ASB4: variants seen among roughly 807,000 people sequenced by gnomAD.
The protein encoded by ASB4 is ankyrin repeat and SOCS box containing 4, also known as ankyrin repeat and SOCS box protein 4.
In ASB4, 35 loss-of-function variants were observed where a neutral mutation model predicts 38.6. That is an observed-to-expected ratio of 0.91 (90% confidence interval 0.69 to 1.20). The LOEUF (loss-of-function observed/expected upper bound fraction) is 1.20. Ranked by LOEUF, ASB4 falls within the 50% of genes most tolerant of loss-of-function variation. ASB4 has a pLI of 0.00. For missense variants in ASB4, 557 were observed against 527.2 expected (o/e 1.06, Z -0.55); for synonymous variants, 195 against 201.3 (o/e 0.97, Z 0.26).
At chr7:95,545,052 T>C (rs892823438), downstream of ASB4, among the ~76,000 whole-genome samples, 25 of 151,920 alleles carry the variant, frequency 1.6e-4, 1 homozygote, top group East Asian at 3.5e-3. Flanking sequence ...TTTTTTTTTC[T>C]TTTTATTGCA....
chr7:95,537,534 C>A, intron 4 of ASB4, 37 bp from the exon 5 acceptor site: 2 of 1,532,306 alleles, frequency 1.3e-6, no homozygotes, highest in Non-Finnish European at 1.8e-6. Flanking sequence ...AACTGTGGGG[C>A]CTTGCTAACT....
In ASB4 at chr7:95,532,160, C is replaced by T. The variant is rs78004566; in HGVS notation, c.978+3857C>T. Among the ~76,000 whole-genome samples, 1,068 of 152,274 alleles carry T rather than the reference C, an allele frequency of 7.0e-3. 12 individuals are homozygous for T. The highest frequency in any genetic ancestry group is 0.022 in the African/African-American group (900 of 41,548). On this transcript the variant is annotated intron_variant, in intron 3 of 4. Transcript: ENST00000325885. ...CTTTCCAAAGAGAAAGTCATCTTTA[C>T]GACAAGTAAGTGACTGACTCATTTA...
At chr7:95,472,976 G>A in the ASB4 span, among the ~76,000 whole-genome samples, 1 of 152,110 alleles carries the variant, frequency 6.6e-6, no homozygotes, top group Non-Finnish European at 1.5e-5. Flanking sequence ...CTCTCTCCAC[G>A]CTCCAGCAGT....
At chr7:95,490,587 G>A (rs1029024757) in intron 1 of ASB4, among the ~76,000 whole-genome samples, 1 of 152,188 alleles carries the variant, frequency 6.6e-6, no homozygotes, top group African/African-American at 2.4e-5. Flanking sequence ...CTCATGTGTG[G>A]GGTTCTTTTG....
rs757962480 is a variant in ASB4, at chr7:95,495,926, A to T, written c.356A>T (p.Asn119Ile). Residue 119 changes from asparagine (N) to isoleucine (I), a missense_variant, in exon 2 of 5, where the codon AAT becomes ATT. Transcript: ENST00000325885. ...TPLHVACEMANVDCVKILCDR... is the reference protein window; with the variant it reads ...TPLHVACEMAIVDCVKILCDR... The stretch of plus-strand genomic sequence containing the variant: ...CTTCACGTGGCTTGTGAAATGGCCA[A>T]TGTGGATTGTGTTAAGATCCTCTGT... 1.2e-6 allele frequency: 2 copies of T among 1,614,140 alleles called. No individual in the cohort carries two copies. The highest frequency in any genetic ancestry group is 2.2e-5 in the East Asian group (1 of 44,874).
chr7:95,509,066 G>C (rs1405855179), intron 2 of ASB4, among the ~76,000 whole-genome samples: 3 of 152,120 alleles, frequency 2.0e-5, no homozygotes, highest in Non-Finnish European at 4.4e-5. Context: ...CAGGAGATTG[G>C]GTGGGTCATT....
chr7:95,534,203 G>A (rs1790857462), intron 3 of ASB4, among the ~76,000 whole-genome samples: 1 of 152,076 alleles, frequency 6.6e-6, no homozygotes, highest in Non-Finnish European at 1.5e-5. Flanking sequence ...AAATTAGTCA[G>A]GAGTTGTGGC....
At chr7:95,519,393 C>T (rs959831883) in intron 2 of ASB4, among the ~76,000 whole-genome samples, 7 of 152,226 alleles carry the variant, frequency 4.6e-5, no homozygotes, top group Non-Finnish European at 8.8e-5. Flanking sequence ...GAGAAGTAAG[C>T]GAGACAATAT....
intron 3 of ASB4, among the ~76,000 whole-genome samples, chr7:95,530,119 A>G (rs1562821878): frequency 2.0e-5 from 3 of 151,556 alleles, no homozygotes; most frequent in South Asian, 2.1e-4. Flanking sequence ...AAAAAAAAAA[A>G]AGAGAATGCC....
chr7:95,507,888 A>G (rs567724577), intron 2 of ASB4, among the ~76,000 whole-genome samples: 1 of 152,274 alleles, frequency 6.6e-6, no homozygotes, highest in Non-Finnish European at 1.5e-5. Flanking sequence ...GGATTTAGTG[A>G]CATGGATGGA....
chr7:95,486,175 G>A lies in ASB4; in HGVS notation c.187+17G>A. 1 of 1,596,586 alleles carries A rather than the reference G, an allele frequency of 6.3e-7. No individual in the cohort carries two copies. Among genetic ancestry groups the A allele is most frequent in the Non-Finnish European group, 8.6e-7 (1 of 1,167,354 alleles). On this transcript the variant is annotated intron_variant, in intron 1 of 4. Coordinates refer to ENST00000325885, the MANE Select transcript of ASB4 (RefSeq NM_016116.3). ...ATAAACAAGGTAAAAACATATAGGTGTTATTGTAGAACTGTTAGAAAATGA... is the reference window on the plus strand; with the variant it reads ...ATAAACAAGGTAAAAACATATAGGTATTATTGTAGAACTGTTAGAAAATGA...
At chr7:95,548,743 G>C in the ASB4 span, among the ~76,000 whole-genome samples, 1 of 152,116 alleles carries the variant, frequency 6.6e-6, no homozygotes, top group South Asian at 2.1e-4. Flanking sequence ...CCAGTAGCTT[G>C]ACTAAGTATT....
chr7:95,505,380 G>A (rs1790392940), intron 2 of ASB4, among the ~76,000 whole-genome samples: 1 of 152,030 alleles, frequency 6.6e-6, no homozygotes, highest in African/African-American at 2.4e-5. Flanking sequence ...AATTTAAGGG[G>A]CCTAGAAAAT....
chr7:95,527,981 C>T lies in ASB4; in HGVS notation c.656C>T (p.Ala219Val). ...ETPLAIAAYW[A>V]LRFKEQEYST... The stretch of plus-strand genomic sequence containing the variant: ...CCCCTGGCCATCGCCGCCTACTGGG[C>T]CCTCCGCTTTAAGGAGCAGGAGTAC... Residue 219 changes from alanine (A) to valine (V), a missense_variant, in exon 3 of 5, where the codon GCC becomes GTC. By Grantham distance (64) the Ala-to-Val change is moderately conservative. Coordinates refer to ENST00000325885, the MANE Select transcript of ASB4 (RefSeq NM_016116.3). The T allele has an allele frequency of 6.2e-7, 1 of 1,614,120 alleles. No homozygotes were observed. The highest frequency in any genetic ancestry group is 8.5e-7 in the Non-Finnish European group (1 of 1,180,034).
At chr7:95,472,478 C>T in the ASB4 span, among the ~76,000 whole-genome samples, 2 of 152,100 alleles carry the variant, frequency 1.3e-5, no homozygotes, top group African/African-American at 4.8e-5. Context: ...TCCAATCTGC[C>T]GGGGGAAACA....
chr7:95,537,893 C>T lies in ASB4; in HGVS notation c.*134C>T. The T allele has an allele frequency of 1.5e-6, 1 of 654,286 alleles. No individual in the cohort carries two copies. The highest frequency in any genetic ancestry group is 2.2e-5 in the South Asian group (1 of 44,896). 40.5% of individuals were successfully genotyped at this position (654,286 alleles called of 1,614,324 possible). ...TTTCAAAACACTTTACAAACACTGC[C>T]ATTAATCCTAGAATATCATGGTATG... On this transcript the variant is annotated 3_prime_UTR_variant, in exon 5 of 5. Coordinates refer to ENST00000325885, the MANE Select transcript of ASB4 (RefSeq NM_016116.3).
intron 2 of ASB4, among the ~76,000 whole-genome samples, chr7:95,509,159 A>G (rs1790448570): frequency 6.6e-6 from 1 of 152,192 alleles, no homozygotes; most frequent in Admixed American, 6.5e-5. Flanking sequence ...AAATCTTAAG[A>G]AACAGATGGG....
At chr7:95,472,843 G>A in the ASB4 span, among the ~76,000 whole-genome samples, 3 of 152,082 alleles carry the variant, frequency 2.0e-5, no homozygotes, top group African/African-American at 7.2e-5. Context: ...CCAGAAACGT[G>A]CACTTCCCAT....
chr7:95,473,435 A>G, the ASB4 span, among the ~76,000 whole-genome samples: 2 of 152,202 alleles, frequency 1.3e-5, no homozygotes, highest in Non-Finnish European at 2.9e-5. Flanking sequence ...TGTGAGAGCC[A>G]CAGGTTTATC....
Sources: gnomAD v4.1 joint callset for allele counts (sites outside exome capture counted in the v4.1 genomes callset) on GRCh38, gnomAD v4.1.1 for gene constraint, MANE v1.5 for transcripts, NCBI Gene and HGNC (gene_info 2026-07-23, HGNC 2026-07-21) for gene names.